TRPM8: variants seen among roughly 807,000 people sequenced by gnomAD.
TRPM8 encodes the protein TRPM8 cationic channel.
Under a neutral mutation model 133.7 loss-of-function variants are expected in TRPM8, and 110 were observed. That is an observed-to-expected ratio of 0.82 (90% CI 0.70 to 0.96). TRPM8 has a LOEUF of 0.96. TRPM8 is among the 40% of genes least tolerant of loss of function. The pLI is 0.00. For synonymous variants in TRPM8, 535 were observed against 532.3 expected (o/e 1.01, Z -0.07); for missense variants, 1,291 against 1,379.5 (o/e 0.94, Z 1.02).
At chr2:233,975,189 T>A (rs1691836658) in intron 17 of TRPM8, among the ~76,000 whole-genome samples, 1 of 45,118 alleles carries the variant, frequency 2.2e-5, no homozygotes, top group Non-Finnish European at 5.3e-5. Context: ...CATTTGGTCC[T>A]CGGGCTAGCA....
intron 3 of TRPM8, chr2:233,934,073 T>G (rs934956982): frequency 1.2e-5 from 2 of 166,764 alleles, no homozygotes; most frequent in African/African-American, 4.8e-5. Context: ...CCATACTGTG[T>G]GGTAATTAAG....
At chr2:233,982,436 G>C (rs1363938566) in intron 19 of TRPM8, among the ~76,000 whole-genome samples, 1 of 152,130 alleles carries the variant, frequency 6.6e-6, no homozygotes, top group Non-Finnish European at 1.5e-5. Context: ...TTGTTTTCCA[G>C]ATGACCCAAA....
intron 9 of TRPM8, among the ~76,000 whole-genome samples, chr2:233,951,772 G>C (rs1294134066): frequency 6.6e-6 from 1 of 152,018 alleles, no homozygotes; most frequent in African/African-American, 2.4e-5. Flanking sequence ...ATTTTAATTA[G>C]GCACTCATAC....
In TRPM8 at chr2:233,996,309, C is replaced by G; in HGVS notation, c.2940-17C>G. On this transcript the variant is annotated splice_polypyrimidine_tract_variant and intron_variant, in intron 21 of 25. Transcript: ENST00000324695. ...ATGCGCAATGCTAAGTCTTGGCCTT[C>G]TCTCTTCCCTCACCAGCTACACGGT... The G allele has an allele frequency of 1.9e-6, 3 of 1,612,988 alleles. No homozygotes were observed. The highest frequency in any genetic ancestry group is 2.5e-6 in the Non-Finnish European group (3 of 1,179,360).
chr2:233,973,722 T>C (rs1489001007), intron 17 of TRPM8, among the ~76,000 whole-genome samples: 1 of 152,196 alleles, frequency 6.6e-6, no homozygotes, highest in Non-Finnish European at 1.5e-5. Flanking sequence ...ACTTCCTAGC[T>C]CTGTGTTGTG....
At chr2:234,001,558 A>G (rs139380877) in intron 22 of TRPM8, among the ~76,000 whole-genome samples, 88 of 152,334 alleles carry the variant, frequency 5.8e-4, no homozygotes, top group African/African-American at 2.0e-3. Flanking sequence ...AACGCACACC[A>G]CACTACCCAC....
chr2:233,964,868 C>T (rs982332197), intron 14 of TRPM8, 111 bp downstream of exon 14: 16 of 1,202,178 alleles, frequency 1.3e-5, no homozygotes, highest in African/African-American at 3.0e-5. Flanking sequence ...TGTCCAAGCT[C>T]CCCAGTCTGA....
chr2:233,930,556 G>A, intron 2 of TRPM8, 112 bp from the exon 3 acceptor site: 1 of 688,882 alleles, frequency 1.5e-6, no homozygotes, highest in East Asian at 2.8e-5. Context: ...ATGAATATGT[G>A]GTAAATTCTT....
rs59758824 is a variant in TRPM8, at chr2:233,981,333, G to A, written c.2448-441G>A. Among the ~76,000 whole-genome samples, 906 of 152,260 alleles carry A rather than the reference G, an allele frequency of 6.0e-3. 11 individuals carry two copies. Among genetic ancestry groups the A allele is most frequent in the African/African-American group, 0.021 (860 of 41,538 alleles). ...ATGGCTTTCAATGAGCACATTAGCA[G>A]GTGGTTAGATAATCAAATGATCTGG... On this transcript the variant is annotated intron_variant, in intron 18 of 25. Coordinates refer to ENST00000324695, the MANE Select transcript of TRPM8 (RefSeq NM_024080.5).
At position 233,929,816 on chromosome 2, in the gene TRPM8, C is replaced by T. The variant is rs556933338; in HGVS notation, c.118-852C>T. ...TGTATCTGTTTACTGCTCTCCCCTT[C>T]GACTATGCTGGGTGTTTATTGCCTT... On this transcript the variant is annotated intron_variant, in intron 2 of 25. Coordinates refer to ENST00000324695, the MANE Select transcript of TRPM8 (RefSeq NM_024080.5). 5 of 152,348 alleles carry T rather than the reference C, an allele frequency of 3.3e-5. No homozygotes were observed. The East Asian group carries it at 9.6e-4, about 29-fold the overall frequency. The allele number at this position is 152,348 out of a possible 1,614,324, so 9.4% of individuals were successfully genotyped here.
At chr2:233,942,550 C>T in intron 5 of TRPM8, 26 bp from the exon 6 acceptor site, 1 of 1,613,812 alleles carries the variant, frequency 6.2e-7, no homozygotes, top group Non-Finnish European at 8.5e-7. Flanking sequence ...GCCACTTGAC[C>T]ATTTACTCTT....
intron 7 of TRPM8, among the ~76,000 whole-genome samples, chr2:233,946,649 AT>A (rs1481848625): frequency 6.6e-6 from 1 of 152,244 alleles, no homozygotes; most frequent in Non-Finnish European, 1.5e-5. Context: ...AATGTTGTCA[AT>A]TATTTTCCTT....
chr2:233,925,584 G>A (rs1691498385), intron 1 of TRPM8, among the ~76,000 whole-genome samples: 1 of 152,168 alleles, frequency 6.6e-6, no homozygotes. Context: ...AGGCCGGGGA[G>A]GTGGAGACCA....
intron 8 of TRPM8, chr2:233,947,406 A>G: frequency 6.7e-7 from 1 of 1,493,416 alleles, no homozygotes; most frequent in Non-Finnish European, 9.0e-7. Context: ...AACCTGCCAA[A>G]GAGAAGAGTT....
At chr2:233,963,730 A>G (rs1238175146) in intron 13 of TRPM8, among the ~76,000 whole-genome samples, 1 of 152,178 alleles carries the variant, frequency 6.6e-6, no homozygotes, top group East Asian at 1.9e-4. Flanking sequence ...TCCGCTTTGG[A>G]AAGTTTATGG....
intron 8 of TRPM8, among the ~76,000 whole-genome samples, chr2:233,947,859 G>A (rs566015395): frequency 6.6e-6 from 1 of 152,166 alleles, no homozygotes; most frequent in East Asian, 1.9e-4. Flanking sequence ...TTATGTATAG[G>A]TAAATTGTAT....
intron 16 of TRPM8, 177 bp from the exon 17 acceptor site, chr2:233,970,033 G>A (rs2125223277): frequency 1.4e-6 from 1 of 705,624 alleles, no homozygotes. Flanking sequence ...ATGTGGATTT[G>A]TTAATTGCAA....
chr2:233,927,350 G>T (rs1171480243), intron 2 of TRPM8, among the ~76,000 whole-genome samples: 1 of 152,158 alleles, frequency 6.6e-6, no homozygotes, highest in Non-Finnish European at 1.5e-5. Flanking sequence ...GTAAGAACAC[G>T]CACACACAAA....
chr2:234,003,563 C>T (rs1175469598), intron 22 of TRPM8, among the ~76,000 whole-genome samples: 4 of 152,190 alleles, frequency 2.6e-5, no homozygotes, highest in Non-Finnish European at 5.9e-5. Flanking sequence ...TGTCTTGAAG[C>T]CATGTCACGG....
Sources: gnomAD v4.1 joint callset for allele counts (sites outside exome capture counted in the v4.1 genomes callset) on GRCh38, gnomAD v4.1.1 for gene constraint, MANE v1.5 for transcripts, NCBI Gene and HGNC (gene_info 2026-07-23, HGNC 2026-07-21) for gene names.